Variants in BZW2 observed in about 807,000 individuals in gnomAD.
BZW2 encodes the protein eIF5-mimic protein 1.
In BZW2, 23 loss-of-function variants were observed where a neutral mutation model predicts 53.2. The observed-to-expected ratio is 0.43, with a 90% CI of 0.31 to 0.61. BZW2 has a LOEUF of 0.61. Among genes scored for constraint, BZW2 ranks in the 20% least tolerant of loss-of-function variants. BZW2 has a pLI of 0.09. For synonymous variants in BZW2, 227 were observed against 186.4 expected (o/e 1.22, Z -1.77); for missense variants, 409 against 503.1 (o/e 0.81, Z 1.79).
At chr7:16,704,029 AG>A (rs1264660537) in intron 10 of BZW2, among the ~76,000 whole-genome samples, 1 of 152,182 alleles carries the variant, frequency 6.6e-6, no homozygotes. Context: ...ATAGCCCAGA[AG>A]TTCCTCTTTA....
chr7:16,660,684 A>G (rs1782230666), intron 1 of BZW2, among the ~76,000 whole-genome samples: 1 of 152,182 alleles, frequency 6.6e-6, no homozygotes. Flanking sequence ...GTTTAAATTT[A>G]GTTAATGGAA....
At chr7:16,656,115 A>ATG (rs1352498461) in intron 1 of BZW2, among the ~76,000 whole-genome samples, 3 of 150,342 alleles carry the variant, frequency 2.0e-5, no homozygotes, top group African/African-American at 5.0e-5. Flanking sequence ...ATACATATAT[A>ATG]TGTGTGTATA....
rs1481937235 is a variant in BZW2 at position 16,686,035 on chromosome 7, A to G, written c.536A>G (p.Lys179Arg). ...LTSLFTDSLV[K>R]EGIAASFAVK... ...AGTCTCTTCACCGACAGCTTAGTCAAAGAAGGTAACGAGGCTCCTGTTTTC... is the reference window on the plus strand; with the variant it reads ...AGTCTCTTCACCGACAGCTTAGTCAGAGAAGGTAACGAGGCTCCTGTTTTC... The change falls in exon 6 of 12, where the codon AAA (lysine) becomes AGA (arginine). Residue 179 changes from lysine (K) to arginine (R), a missense_variant. This residue lies in a region of BZW2 where 316 missense variants were observed against 366.8 expected (regional missense o/e 0.86). Coordinates refer to ENST00000258761, the MANE Select transcript of BZW2 (RefSeq NM_014038.3). The G allele has an allele frequency of 6.2e-7, 1 of 1,612,270 alleles. No individual in the cohort carries two copies. The highest frequency in any genetic ancestry group is 1.7e-5 in the Admixed American group (1 of 59,836).
At chr7:16,687,377 TC>T (rs1327747717) in intron 6 of BZW2, 1 of 152,190 alleles carries the variant, frequency 6.6e-6, no homozygotes, top group East Asian at 1.9e-4. Context: ...AACTCTGCCA[TC>T]TTTTACAAAC....
intron 3 of BZW2, 86 bp from the exon 4 acceptor site, chr7:16,681,215 C>G: frequency 1.9e-6 from 2 of 1,050,182 alleles, no homozygotes; most frequent in Non-Finnish European, 2.8e-6. Flanking sequence ...TGATTATTTT[C>G]TTTCATTTGC....
intron 6 of BZW2, chr7:16,687,304 TG>T (rs1449745667): frequency 2.0e-5 from 3 of 152,148 alleles, no homozygotes; most frequent in Non-Finnish European, 4.4e-5. Context: ...TGGGGGGTGG[TG>T]AGGAGAAAAA....
chr7:16,692,307 A>G (rs696283), intron 7 of BZW2, among the ~76,000 whole-genome samples: 30,535 of 152,144 alleles, frequency 0.2, 3,181 homozygotes, highest in East Asian at 0.36. Flanking sequence ...TATTTATTCA[A>G]TAAGTATGTA....
At chr7:16,654,498 T>G (rs1479334710) in intron 1 of BZW2, among the ~76,000 whole-genome samples, 1 of 137,502 alleles carries the variant, frequency 7.3e-6, no homozygotes, top group Non-Finnish European at 1.5e-5. Flanking sequence ...TTTAATTTTT[T>G]TCTGTATATA....
At chr7:16,693,885 A>G (rs73067614) in intron 7 of BZW2, among the ~76,000 whole-genome samples, 2,115 of 152,338 alleles carry the variant, frequency 0.014, 57 homozygotes, top group African/African-American at 0.048. Context: ...ATCCTGACAT[A>G]GGAGCCCTCC....
chr7:16,679,861 T>G (rs1394836175), intron 3 of BZW2, among the ~76,000 whole-genome samples: 1 of 152,172 alleles, frequency 6.6e-6, no homozygotes, highest in East Asian at 1.9e-4. Flanking sequence ...CGAAGTAAAA[T>G]TAGAAAATAA....
rs370589995 is a variant in BZW2, at chr7:16,706,128, C to G, written c.*40C>G. ...ACAATACCTAGGTTACCACACACCA[C>G]TTTTTGATTGGGAATGCTGAACCAT... On this transcript the variant is annotated 3_prime_UTR_variant, in exon 12 of 12. Coordinates refer to ENST00000258761, the MANE Select transcript of BZW2 (RefSeq NM_014038.3). 2 of 1,601,654 alleles carry G rather than the reference C, an allele frequency of 1.2e-6. No individual in the cohort carries two copies. Among genetic ancestry groups the G allele is most frequent in the African/African-American group, 2.7e-5 (2 of 74,220 alleles).
At chr7:16,646,845 C>T (rs780858090) in intron 1 of BZW2, among the ~76,000 whole-genome samples, 5 of 152,148 alleles carry the variant, frequency 3.3e-5, no homozygotes, top group African/African-American at 4.8e-5. Context: ...TTTACACTTG[C>T]ACTAATACTT....
At chr7:16,657,035 T>C (rs554282644) in intron 1 of BZW2, among the ~76,000 whole-genome samples, 7 of 152,278 alleles carry the variant, frequency 4.6e-5, no homozygotes, top group South Asian at 2.1e-4. Context: ...CCAAGAAACT[T>C]TGGTTTCTCT....
At chr7:16,662,489 C>T (rs904093895) in intron 1 of BZW2, among the ~76,000 whole-genome samples, 1 of 152,042 alleles carries the variant, frequency 6.6e-6, no homozygotes, top group Non-Finnish European at 1.5e-5. Flanking sequence ...TTTGGTGGTA[C>T]TTCTCCATTA....
chr7:16,700,613 G>A (rs374719213), intron 10 of BZW2: 10 of 152,260 alleles, frequency 6.6e-5, no homozygotes, highest in African/African-American at 2.4e-4. Flanking sequence ...ATTTTAACAA[G>A]TTTCCAAGCT....
intron 2 of BZW2, 21 bp from the exon 3 acceptor site, chr7:16,674,390 AT>A: frequency 6.6e-7 from 1 of 1,524,948 alleles, no homozygotes; most frequent in African/African-American, 1.4e-5. Context: ...TTTGACTGTT[AT>A]TTTGAATTGT....
intron 5 of BZW2, among the ~76,000 whole-genome samples, chr7:16,683,579 G>A (rs746661897): frequency 2.0e-5 from 3 of 152,242 alleles, no homozygotes; most frequent in Non-Finnish European, 4.4e-5. Flanking sequence ...GCACCTCTTT[G>A]GAGATAGAGT....
At chr7:16,695,784 A>G (rs545395597) in intron 8 of BZW2, 5 of 152,316 alleles carry the variant, frequency 3.3e-5, no homozygotes, top group Admixed American at 1.3e-4. Flanking sequence ...TTGGCAGCTC[A>G]CATGGTTGAA....
intron 2 of BZW2, among the ~76,000 whole-genome samples, chr7:16,671,292 A>G (rs1290574841): frequency 6.6e-6 from 1 of 152,176 alleles, no homozygotes; most frequent in African/African-American, 2.4e-5. Context: ...TGTACATGCT[A>G]TTCACAGCTG....
Sources: allele counts gnomAD v4.1 joint callset (sites outside exome capture counted in the v4.1 genomes callset), GRCh38; gene constraint gnomAD v4.1.1; regional missense constraint gnomAD v4.1.1; transcripts MANE v1.5; gene names NCBI Gene and HGNC (gene_info 2026-07-23, HGNC 2026-07-21).